Variants in STKLD1 observed in about 807,000 individuals in gnomAD.
STKLD1 encodes the protein serine/threonine kinase-like domain-containing protein STKLD1.
STKLD1 carries 79 observed loss-of-function variants against 80.4 expected under a neutral mutation model. The observed-to-expected ratio is 0.98, with a 90% CI of 0.82 to 1.19. The LOEUF (loss-of-function observed/expected upper bound fraction) is 1.19. Ranked by LOEUF, STKLD1 falls within the 50% of genes most tolerant of loss-of-function variation. The pLI is 0.00. For synonymous variants in STKLD1, 393 were observed against 357.6 expected (o/e 1.10, Z -1.12); for missense variants, 841 against 856.0 (o/e 0.98, Z 0.22).
At position 133,405,596 on chromosome 9, in the gene STKLD1, A is replaced by G; in HGVS notation, c.*175A>G. On this transcript the variant is annotated 3_prime_UTR_variant, in exon 18 of 18. Coordinates refer to ENST00000371957, the MANE Select transcript of STKLD1 (RefSeq NM_153710.5). The stretch of plus-strand genomic sequence containing the variant: ...ACTGCTGGATTGAGTCACATGAGTA[A>G]CTGCTCCTGGACCCGGGGACTGTCC... 1.8e-6 allele frequency: 1 copy of G among 568,896 alleles called. No individual in the cohort carries two copies. The highest frequency in any genetic ancestry group is 2.9e-6 in the Non-Finnish European group (1 of 348,622). The allele number at this position is 568,896 out of a possible 1,614,324, so 35.2% of individuals were successfully genotyped here.
chr9:133,381,847 A>T (rs1838143187), intron 2 of STKLD1, among the ~76,000 whole-genome samples: 2 of 152,246 alleles, frequency 1.3e-5, no homozygotes, highest in African/African-American at 4.8e-5. Context: ...AGGCTCACTC[A>T]GTGTCTTTGC....
chr9:133,394,667 C>T lies in STKLD1; in HGVS notation c.702+258C>T. ...ATCCCACGCGACCCTCGCAGCAGCC[C>T]TCCAGGTGGTGTCACTGACTCTTGA... On this transcript the variant is annotated intron_variant, in intron 8 of 17. Coordinates refer to ENST00000371957, the MANE Select transcript of STKLD1 (RefSeq NM_153710.5). The surrounding 1 kb of genome is among the most constrained non-coding windows in gnomAD (Gnocchi z 4.9). The T allele has an allele frequency of 2.1e-6, 1 of 478,456 alleles. No individual in the cohort carries two copies. Among genetic ancestry groups the T allele is most frequent in the Non-Finnish European group, 3.8e-6 (1 of 263,390 alleles). 29.6% of individuals were successfully genotyped at this position (478,456 alleles called of 1,614,324 possible).
At position 133,394,110 on chromosome 9, in the gene STKLD1, C is replaced by A. The variant is rs1282153376; in HGVS notation, c.584-181C>A. 1 of 632,128 alleles carries A rather than the reference C, an allele frequency of 1.6e-6. No individual in the cohort carries two copies. Among genetic ancestry groups the A allele is most frequent in the East Asian group, 2.6e-5 (1 of 38,804 alleles). The allele number at this position is 632,128 out of a possible 1,614,324, so 39.2% of individuals were successfully genotyped here. ...ACACAAAGCTCCCGCTGATTGGGGC[C>A]TCTTCCTCCCCACAGTTAATATTCT... On this transcript the variant is annotated intron_variant, in intron 7 of 17. Coordinates refer to ENST00000371957, the MANE Select transcript of STKLD1 (RefSeq NM_153710.5). The surrounding 1 kb of genome is among the most constrained non-coding windows in gnomAD (Gnocchi z 4.9).
chr9:133,382,098 T>C (rs1838146099), intron 2 of STKLD1, among the ~76,000 whole-genome samples: 1 of 152,134 alleles, frequency 6.6e-6, no homozygotes, highest in Admixed American at 6.5e-5. Flanking sequence ...GCCACCACCC[T>C]TCCCTTTCCA....
intron 14 of STKLD1, 102 bp downstream of exon 14, chr9:133,403,114 C>T: frequency 8.2e-7 from 1 of 1,220,652 alleles, no homozygotes; most frequent in Non-Finnish European, 1.1e-6. Flanking sequence ...TGTCCTGTCC[C>T]TAAAACACAA....
chr9:133,400,958 G>A (rs3124750), intron 12 of STKLD1, among the ~76,000 whole-genome samples: 1 of 151,942 alleles, frequency 6.6e-6, no homozygotes, highest in Non-Finnish European at 1.5e-5. Context: ...CCTCTGGAGT[G>A]ACCCTCAGGG....
intron 9 of STKLD1, among the ~76,000 whole-genome samples, chr9:133,396,359 C>T (rs765146033): frequency 1.6e-4 from 24 of 152,144 alleles, no homozygotes; most frequent in Non-Finnish European, 3.2e-4. Flanking sequence ...CGCTCGAGCC[C>T]GGGAGGCAGA....
chr9:133,391,461 T>G lies in STKLD1; in HGVS notation c.583+665T>G, dbSNP rs2130289687. On this transcript the variant is annotated intron_variant, in intron 7 of 17. Coordinates refer to ENST00000371957, the MANE Select transcript of STKLD1 (RefSeq NM_153710.5). Reference sequence around the variant, plus strand: ...GGGAAAAGATTGAGAAATCGGATGGTTGCTGTGTCTGTGTAGAAAGAAGTA... The same window carrying G: ...GGGAAAAGATTGAGAAATCGGATGGGTGCTGTGTCTGTGTAGAAAGAAGTA... Among the ~76,000 whole-genome samples, 896 of 151,272 alleles carry G rather than the reference T, an allele frequency of 5.9e-3. 14 individuals are homozygous for G. The highest frequency in any genetic ancestry group is 0.02 in the African/African-American group (838 of 41,098).
Position 133,389,857 on chromosome 9 carries a change from G to A in STKLD1, c.467+261G>A, listed in dbSNP as rs1021818279. Reference sequence around the variant, plus strand: ...GGGCTGCTCTAGAGTTCGTGGAAAGGAAGGAGGCAAAAGCCCTGCCAAGAA... The same window carrying A: ...GGGCTGCTCTAGAGTTCGTGGAAAGAAAGGAGGCAAAAGCCCTGCCAAGAA... On this transcript the variant is annotated intron_variant, in intron 6 of 17. Coordinates refer to ENST00000371957, the MANE Select transcript of STKLD1 (RefSeq NM_153710.5). This position sits in a 1 kb window ranked among gnomAD's most constrained non-coding sequence, Gnocchi z 6.4. Among the ~76,000 whole-genome samples the A allele has an allele frequency of 2.0e-5, 3 of 152,246 alleles. No homozygotes were observed. In the East Asian group the frequency reaches 5.8e-4, roughly 29 times the overall value.
chr9:133,385,571 G>A lies in STKLD1; in HGVS notation c.220-46G>A, dbSNP rs2130274749. 7.5e-5 allele frequency: 118 copies of A among 1,581,942 alleles called. No homozygotes were observed. The highest frequency in any genetic ancestry group is 5.0e-4 in the African/African-American group (37 of 74,334). On this transcript the variant is annotated intron_variant, in intron 3 of 17. Coordinates refer to ENST00000371957, the MANE Select transcript of STKLD1 (RefSeq NM_153710.5). The surrounding 1 kb of genome is among the most constrained non-coding windows in gnomAD (Gnocchi z 4.9). ...CAGAGAAGCCCGAGCTGAGAAAGGC[G>A]TGGAGAGGCACTGACTTCTCCGTTT...
At position 133,390,397 on chromosome 9, in the gene STKLD1, CTCT is replaced by C. The variant is rs1838363495; in HGVS notation, c.468-281_468-279del. Among the ~76,000 whole-genome samples the C allele has an allele frequency of 6.6e-6, 1 of 152,188 alleles. No homozygotes were observed. The highest frequency in any genetic ancestry group is 2.1e-4 in the South Asian group (1 of 4,834). On this transcript the variant is annotated intron_variant, in intron 6 of 17. Transcript: ENST00000371957. This position sits in a 1 kb window ranked among gnomAD's most constrained non-coding sequence, Gnocchi z 5.1. ...GAGGTGAATGTGTCAATTAAGGGGC[CTCT>C]TCGGAGTGCTGGGTGTGTTCCTACT... is the stretch of plus-strand genomic sequence containing the variant.
chr9:133,389,692 G>A lies in STKLD1; in HGVS notation c.467+96G>A. On this transcript the variant is annotated intron_variant, in intron 6 of 17. Coordinates refer to ENST00000371957, the MANE Select transcript of STKLD1 (RefSeq NM_153710.5). This position sits in a 1 kb window ranked among gnomAD's most constrained non-coding sequence, Gnocchi z 6.4. ...TGCCAGTGCCCGTGGGCAGGATCTG[G>A]GGAGAAAGGTGCACCGGGCCAGTGC... 1.3e-6 allele frequency: 2 copies of A among 1,563,558 alleles called. No individual in the cohort carries two copies. Among genetic ancestry groups the A allele is most frequent in the South Asian group, 2.3e-5 (2 of 85,612 alleles).
intron 1 of STKLD1, 34 bp from the exon 2 acceptor site, chr9:133,379,002 A>C (rs1030905104): frequency 6.3e-7 from 1 of 1,594,908 alleles, no homozygotes; most frequent in Non-Finnish European, 8.6e-7. Context: ...AGTTGTGTGC[A>C]TTTCCTGAAA....
rs2130272612 is a variant in STKLD1 at position 133,384,391 on chromosome 9, G to A, written c.219+491G>A. On this transcript the variant is annotated intron_variant, in intron 3 of 17. Transcript: ENST00000371957. This position sits in a 1 kb window ranked among gnomAD's most constrained non-coding sequence, Gnocchi z 4.3. ...TGGGAGGCGGAGATTGCAATGAGCC[G>A]AGATTGCACCATTGCATTCCACCCT... 1.2e-3 allele frequency: 191 copies of A among 158,036 alleles called. 1 individual carries two copies. The highest frequency in any genetic ancestry group is 2.0e-3 in the Non-Finnish European group (143 of 71,088). The allele number at this position is 158,036 out of a possible 1,614,324, so 9.8% of individuals were successfully genotyped here.
intron 2 of STKLD1, among the ~76,000 whole-genome samples, chr9:133,381,937 G>A (rs1487395562): frequency 1.3e-5 from 2 of 152,148 alleles, no homozygotes; most frequent in Non-Finnish European, 2.9e-5. Context: ...TTTACATGAT[G>A]GTCTGCATTC....
intron 5 of STKLD1, among the ~76,000 whole-genome samples, chr9:133,388,036 G>A (rs1838302835): frequency 6.6e-6 from 1 of 152,216 alleles, no homozygotes; most frequent in Non-Finnish European, 1.5e-5. Context: ...GGGCTATTGT[G>A]AATAAGGCTG....
chr9:133,399,593 C>T (rs1838644032), intron 11 of STKLD1, among the ~76,000 whole-genome samples: 1 of 152,182 alleles, frequency 6.6e-6, no homozygotes, highest in East Asian at 1.9e-4. Context: ...AATGGGCTTG[C>T]AGCCCAGCGC....
chr9:133,394,219 AG>A lies in STKLD1; in HGVS notation c.584-69del. On this transcript the variant is annotated intron_variant, in intron 7 of 17. Transcript: ENST00000371957. The surrounding 1 kb of genome is among the most constrained non-coding windows in gnomAD (Gnocchi z 4.9). Reference sequence around the variant, plus strand: ...CACCAAAGGGGATACAGTGCTGGGCAGGGTGACTCTGTCAAGCCCCTGCCCC... The same window carrying A: ...CACCAAAGGGGATACAGTGCTGGGCAGGTGACTCTGTCAAGCCCCTGCCCC... The A allele has an allele frequency of 9.9e-7, 1 of 1,006,504 alleles. No individual in the cohort carries two copies. Among genetic ancestry groups the A allele is most frequent in the East Asian group, 2.4e-5 (1 of 42,120 alleles). The allele number at this position is 1,006,504 out of a possible 1,614,324, so 62.3% of individuals were successfully genotyped here.
At chr9:133,395,943 C>T (rs183873710) in intron 9 of STKLD1, 180 bp downstream of exon 9, 26 of 616,244 alleles carry the variant, frequency 4.2e-5, no homozygotes, top group Middle Eastern at 4.4e-4. Context: ...CGTGCTGCGG[C>T]GAGTAATCCC....
Sources: gnomAD v4.1 joint callset for allele counts (sites outside exome capture counted in the v4.1 genomes callset) on GRCh38, gnomAD v4.1.1 for gene constraint, Gnocchi (gnomAD v3.1) non-coding constraint, MANE v1.5 for transcripts, NCBI Gene and HGNC (gene_info 2026-07-23, HGNC 2026-07-21) for gene names.